GREB1L: variants seen among roughly 807,000 people sequenced by gnomAD.
GREB1L encodes GREB1 like retinoic acid receptor coactivator.
GREB1L carries 17 observed loss-of-function variants against 200.8 expected under a neutral mutation model. That is an observed-to-expected ratio of 0.08 (90% CI 0.06 to 0.13). The LOEUF (loss-of-function observed/expected upper bound fraction) is 0.13, where lower values mean the gene tolerates loss of function less well. GREB1L is among the 10% of genes least tolerant of loss of function. The pLI, the probability that GREB1L is intolerant of heterozygous loss-of-function variation, is 1.00. For synonymous variants in GREB1L, 789 were observed against 893.0 expected, an observed-to-expected ratio of 0.88 and a Z score of 2.08; for missense variants, 1,657 against 2,367.7, an observed-to-expected ratio of 0.70 and a Z score of 6.23.
intron 1 of GREB1L, among the ~76,000 whole-genome samples, chr18:21,281,850 C>G (rs2038275140): frequency 6.6e-6 from 1 of 152,268 alleles, no homozygotes; most frequent in East Asian, 1.9e-4. Context: ...AAATACATAC[C>G]TACAATGGGT....
intron 1 of GREB1L, among the ~76,000 whole-genome samples, chr18:21,351,073 A>G (rs534345644): frequency 3.7e-4 from 56 of 152,242 alleles, no homozygotes; most frequent in African/African-American, 1.3e-3. Flanking sequence ...TCCCCTTACA[A>G]AATAATCAAT....
intron 7 of GREB1L, among the ~76,000 whole-genome samples, chr18:21,436,128 G>C (rs2033521880): frequency 6.6e-6 from 1 of 152,148 alleles, no homozygotes; most frequent in Admixed American, 6.6e-5. Context: ...AGGAGGATCA[G>C]GTTCTCCAGT....
chr18:21,428,515 A>G (rs1167882318), intron 7 of GREB1L, among the ~76,000 whole-genome samples: 1 of 150,848 alleles, frequency 6.6e-6, no homozygotes, highest in East Asian at 1.9e-4. Context: ...TGAGATGATC[A>G]TGTGGTTTTT....
intron 1 of GREB1L, among the ~76,000 whole-genome samples, chr18:21,331,076 A>G (rs1026086153): frequency 3.3e-5 from 5 of 152,218 alleles, no homozygotes; most frequent in African/African-American, 9.6e-5. Context: ...TGGCTTCAAA[A>G]TCAGTGCCTT....
intron 1 of GREB1L, among the ~76,000 whole-genome samples, chr18:21,361,416 T>C (rs2039578404): frequency 6.6e-6 from 1 of 152,124 alleles, no homozygotes; most frequent in African/African-American, 2.4e-5. Context: ...ACATGAATTG[T>C]TTCTAAGGTA....
intron 6 of GREB1L, chr18:21,401,854 C>T (rs2041331055): frequency 6.6e-6 from 1 of 152,268 alleles, no homozygotes; most frequent in Admixed American, 6.5e-5. Flanking sequence ...TGAAACTTCA[C>T]ATCTTCATGT....
chr18:21,385,140 A>G (rs2040486238), intron 4 of GREB1L, among the ~76,000 whole-genome samples: 1 of 152,182 alleles, frequency 6.6e-6, no homozygotes, highest in South Asian at 2.1e-4. Context: ...TTCATGAATA[A>G]TACTTTGTCC....
chr18:21,263,021 T>C (rs577561508), intron 1 of GREB1L, among the ~76,000 whole-genome samples: 1 of 152,324 alleles, frequency 6.6e-6, no homozygotes, highest in East Asian at 1.9e-4. Context: ...TATATGTAAT[T>C]GTAAAAGGTT....
intron 1 of GREB1L, among the ~76,000 whole-genome samples, chr18:21,334,715 A>G (rs2039158731): frequency 6.6e-6 from 1 of 152,078 alleles, no homozygotes; most frequent in Non-Finnish European, 1.5e-5. Context: ...CGGAGGTTGC[A>G]GTAGGCTGAG....
intron 14 of GREB1L, 88 bp downstream of exon 14, chr18:21,452,305 T>G: frequency 1.5e-6 from 2 of 1,317,832 alleles, no homozygotes; most frequent in Non-Finnish European, 2.1e-6. Flanking sequence ...TTGAGGATTC[T>G]TCAAGTCACA....
At chr18:21,516,942 C>T (rs555467586) in intron 30 of GREB1L, among the ~76,000 whole-genome samples, 188 bp downstream of exon 30, 7 of 147,054 alleles carry the variant, frequency 4.8e-5, no homozygotes, top group Admixed American at 6.9e-5. Flanking sequence ...GGCGTGATCA[C>T]GGCTCACTGC....
intron 1 of GREB1L, among the ~76,000 whole-genome samples, chr18:21,267,478 A>G (rs2037990634): frequency 6.6e-6 from 1 of 152,152 alleles, no homozygotes; most frequent in Non-Finnish European, 1.5e-5. Flanking sequence ...CACTGTGCCC[A>G]GCCACATTTA....
At chr18:21,486,565 T>C (rs1292107424) in intron 18 of GREB1L, among the ~76,000 whole-genome samples, 1 of 152,164 alleles carries the variant, frequency 6.6e-6, no homozygotes, top group Non-Finnish European at 1.5e-5. Flanking sequence ...AATTCAGTTC[T>C]TGGGGCTCCT....
chr18:21,500,289 C>A lies in GREB1L; in HGVS notation c.3952C>A (p.Leu1318Met). The change falls in exon 22 of 33, where the codon CTG becomes ATG. Residue 1318 changes from leucine (L) to methionine (M), a missense_variant. Around this residue, in one of 9 missense-constraint regions of GREB1L, gnomAD observed 512 missense variants for 668.3 expected, o/e 0.77. Coordinates refer to ENST00000424526, the MANE Select transcript of GREB1L (RefSeq NM_001142966.3). ...TRNFHPRRLL[L>M]TGPPQVGKTG... ...AAACTTCCACCCCCGACGGCTCCTG[C>A]TGACAGGGCCCCCACAGGTAGGGCC... The A allele has an allele frequency of 7.5e-7, 1 of 1,325,710 alleles. No homozygotes were observed. Among genetic ancestry groups the A allele is most frequent in the Non-Finnish European group, 1.0e-6 (1 of 954,308 alleles). 82.1% of individuals were successfully genotyped at this position (1,325,710 alleles called of 1,614,324 possible).
intron 18 of GREB1L, 151 bp from the exon 19 acceptor site, chr18:21,489,861 T>C (rs1173318283): frequency 4.8e-6 from 3 of 628,058 alleles, no homozygotes; most frequent in Non-Finnish European, 8.3e-6. Flanking sequence ...TCCAGTGATG[T>C]AGGATCCCAG....
At chr18:21,491,118 T>C (rs189378938) in intron 19 of GREB1L, among the ~76,000 whole-genome samples, 59 of 152,262 alleles carry the variant, frequency 3.9e-4, no homozygotes, top group African/African-American at 1.4e-3. Flanking sequence ...TGTAATCCAG[T>C]GGGGCCTAGC....
At chr18:21,434,784 A>C (rs2033434158) in intron 7 of GREB1L, among the ~76,000 whole-genome samples, 1 of 152,268 alleles carries the variant, frequency 6.6e-6, no homozygotes, top group Middle Eastern at 3.4e-3. Context: ...TAAGTAAAAA[A>C]TTAAAAACCA....
In GREB1L at chr18:21,251,465, ACAG is replaced by A. The variant is rs2037702724; in HGVS notation, c.-120+9073_-120+9075del. On this transcript the variant is annotated intron_variant, in intron 1 of 32. Coordinates refer to ENST00000424526, the MANE Select transcript of GREB1L (RefSeq NM_001142966.3). ...AAATAATCTATAGCATCTGTATTCC[ACAG>A]TTAAACAACCATTACTTCATTGAAG... Among the ~76,000 whole-genome samples, 6 of 152,350 alleles carry A rather than the reference ACAG, an allele frequency of 3.9e-5. No homozygotes were observed. In the South Asian group the frequency reaches 1.2e-3, roughly 32 times the overall value.
chr18:21,516,854 GA>G, intron 30 of GREB1L, 100 bp downstream of exon 30: 9 of 789,012 alleles, frequency 1.1e-5, no homozygotes, highest in East Asian at 3.4e-5. Context: ...TATTTTATTA[GA>G]AAAGTGAAAT....
Sources: gnomAD v4.1 joint callset for allele counts (sites outside exome capture counted in the v4.1 genomes callset) on GRCh38, gnomAD v4.1.1 for gene constraint, gnomAD v4.1.1 regional missense constraint, MANE v1.5 for transcripts, NCBI Gene and HGNC (gene_info 2026-07-23, HGNC 2026-07-21) for gene names.